DPYD: variants seen among roughly 807,000 people sequenced by gnomAD.
DPYD encodes dihydropyrimidine dehydrogenase [NADP(+)].
Under a neutral mutation model 116.2 loss-of-function variants are expected in DPYD, and 109 were observed. That is an observed-to-expected ratio of 0.94 (90% CI 0.80 to 1.10). DPYD has a LOEUF of 1.10. Ranked by LOEUF, DPYD falls within the 50% of genes least tolerant of loss-of-function variation. The pLI, the probability that DPYD is intolerant of heterozygous loss-of-function variation, is 0.00. For missense variants in DPYD, 1,302 were observed against 1,254.5 expected (o/e 1.04, Z -0.57); for synonymous variants, 440 against 432.0 (o/e 1.02, Z -0.23).
At chr1:97,197,079 T>G (rs1016544593) in intron 19 of DPYD, among the ~76,000 whole-genome samples, 11 of 152,150 alleles carry the variant, frequency 7.2e-5, no homozygotes, top group Admixed American at 2.6e-4. Context: ...GTTAGTACAA[T>G]GTAGAAAAGA....
In DPYD at chr1:97,353,163, C is replaced by T. The variant is rs893838586; in HGVS notation, c.2058+20398G>A. Reference sequence around the variant, plus strand: ...CAAATAATGGATTTTCTAACACCCCCGCTGTTCCTCCAGTGCATTGTGTCA... The same window carrying T: ...CAAATAATGGATTTTCTAACACCCCTGCTGTTCCTCCAGTGCATTGTGTCA... On this transcript the variant is annotated intron_variant, in intron 16 of 22. Transcript: ENST00000370192. Among the ~76,000 whole-genome samples, 10 of 152,174 alleles carry T rather than the reference C, an allele frequency of 6.6e-5. No individual in the cohort carries two copies. The South Asian group carries it at 8.3e-4, about 13-fold the overall frequency.
At chr1:97,267,004 C>A (rs1279367603) in intron 18 of DPYD, among the ~76,000 whole-genome samples, 1 of 152,130 alleles carries the variant, frequency 6.6e-6, no homozygotes, top group East Asian at 1.9e-4. Flanking sequence ...GTGCATGTGT[C>A]TTTATAGTAA....
At chr1:97,604,468 C>A (rs1655458009) in intron 8 of DPYD, among the ~76,000 whole-genome samples, 1 of 151,956 alleles carries the variant, frequency 6.6e-6, no homozygotes, top group African/African-American at 2.4e-5. Flanking sequence ...AGTGTTATTT[C>A]ATTTTAATTC....
intron 18 of DPYD, among the ~76,000 whole-genome samples, chr1:97,239,929 C>T (rs1662214053): frequency 6.6e-6 from 1 of 152,016 alleles, no homozygotes; most frequent in African/African-American, 2.4e-5. Flanking sequence ...GAAGTGTTTG[C>T]TGTTATAATT....
At chr1:97,198,841 C>T (rs1368503780) in intron 19 of DPYD, among the ~76,000 whole-genome samples, 2 of 152,114 alleles carry the variant, frequency 1.3e-5, no homozygotes, top group Admixed American at 6.6e-5. Flanking sequence ...CTATAGTGAG[C>T]TATTTTAAAG....
chr1:97,801,605 C>T (rs1415281589), intron 3 of DPYD, among the ~76,000 whole-genome samples: 2 of 151,544 alleles, frequency 1.3e-5, no homozygotes. Flanking sequence ...ATATGGTAGC[C>T]AAAAAAGGCG....
At chr1:97,518,931 ATATC>A (rs1648439015) in intron 12 of DPYD, among the ~76,000 whole-genome samples, 1 of 152,142 alleles carries the variant, frequency 6.6e-6, no homozygotes, top group Non-Finnish European at 1.5e-5. Flanking sequence ...AAAAACACAT[ATATC>A]TATTTTGCTG....
chr1:97,341,128 C>A (rs1294910522), intron 16 of DPYD, among the ~76,000 whole-genome samples: 1 of 152,110 alleles, frequency 6.6e-6, no homozygotes, highest in East Asian at 1.9e-4. Context: ...AGGAGTACTG[C>A]CATTCCTATG....
intron 13 of DPYD, among the ~76,000 whole-genome samples, chr1:97,501,338 C>T (rs184256193): frequency 6.6e-6 from 1 of 151,918 alleles, no homozygotes; most frequent in Non-Finnish European, 1.5e-5. Context: ...GAATTATACC[C>T]CCGATTGGCT....
chr1:97,808,425 T>C (rs946360850), intron 3 of DPYD, among the ~76,000 whole-genome samples: 1 of 152,172 alleles, frequency 6.6e-6, no homozygotes, highest in Non-Finnish European at 1.5e-5. Context: ...TGCTGACATA[T>C]ATGAAAACAA....
chr1:97,430,847 A>G lies in DPYD; in HGVS notation c.1905+19212T>C, dbSNP rs192558630. ...ACAATTTTACATCTATATACTTTTT[A>G]TATCTATCTATATCAATTTGTAAAC... On this transcript the variant is annotated intron_variant, in intron 14 of 22. Transcript: ENST00000370192. Among the ~76,000 whole-genome samples the G allele has an allele frequency of 2.6e-5, 4 of 152,216 alleles. No homozygotes were observed. In the East Asian group the frequency reaches 7.7e-4, roughly 29 times the overall value.
intron 3 of DPYD, among the ~76,000 whole-genome samples, chr1:97,783,290 A>G (rs906732132): frequency 3.3e-5 from 5 of 152,186 alleles, no homozygotes; most frequent in Non-Finnish European, 7.3e-5. Context: ...AGAAAATCAG[A>G]TGTGCTTTAT....
At chr1:97,578,306 T>C (rs1216336049) in intron 10 of DPYD, among the ~76,000 whole-genome samples, 1 of 152,154 alleles carries the variant, frequency 6.6e-6, no homozygotes, top group Non-Finnish European at 1.5e-5. Flanking sequence ...GAAAATGTTA[T>C]GACACCCATA....
chr1:97,450,236 T>A lies in DPYD; in HGVS notation c.1741-13A>T. The A allele has an allele frequency of 6.2e-7, 1 of 1,613,158 alleles. No individual in the cohort carries two copies. The stretch of plus-strand genomic sequence containing the variant: ...TTGTCACAATGTCCTGATGAAAGAG[T>A]AAAGATATTGAGTCTCCTTTTGACA... On this transcript the variant is annotated splice_polypyrimidine_tract_variant and intron_variant, in intron 13 of 22. Coordinates refer to ENST00000370192, the MANE Select transcript of DPYD (RefSeq NM_000110.4).
chr1:97,709,864 AATT>A lies in DPYD; in HGVS notation c.484-10320_484-10318del, dbSNP rs1662189363. ...ATAAACATAAATGTTTGATAGCTGT[AATT>A]ATTCCTCAATTACTCTGTTTGTTCT... is the stretch of plus-strand genomic sequence containing the variant. On this transcript the variant is annotated intron_variant, in intron 5 of 22. Coordinates refer to ENST00000370192, the MANE Select transcript of DPYD (RefSeq NM_000110.4). Among the ~76,000 whole-genome samples, 11 of 151,952 alleles carry A rather than the reference AATT, an allele frequency of 7.2e-5. No homozygotes were observed. In the South Asian group the frequency reaches 1.7e-3, roughly 23 times the overall value.
intron 8 of DPYD, among the ~76,000 whole-genome samples, chr1:97,673,254 T>C (rs1411887400): frequency 6.6e-6 from 1 of 152,144 alleles, no homozygotes; most frequent in Non-Finnish European, 1.5e-5. Context: ...GTTAAAAGGA[T>C]AGATCATGTT....
rs1207784786 is a variant in DPYD at position 97,892,771 on chromosome 1, G to A, written c.40-9397C>T. On this transcript the variant is annotated intron_variant, in intron 1 of 22. Transcript: ENST00000370192. ...GCCAATTTTCCCTTTATGCACAGTG[G>A]GTAACTCACTGCAGTTGATTAAAAA... Among the ~76,000 whole-genome samples the A allele has an allele frequency of 6.6e-5, 10 of 151,596 alleles. No individual in the cohort carries two copies. In the Admixed American group the frequency reaches 6.6e-4, roughly 10 times the overall value.
At chr1:97,590,011 AACCT>A (rs1654393777) in intron 10 of DPYD, among the ~76,000 whole-genome samples, 1 of 152,182 alleles carries the variant, frequency 6.6e-6, no homozygotes, top group African/African-American at 2.4e-5. Flanking sequence ...TGCTAGACCT[AACCT>A]TTCAAAACCT....
chr1:97,681,389 A>G (rs1183893810), intron 7 of DPYD, among the ~76,000 whole-genome samples: 1 of 152,130 alleles, frequency 6.6e-6, no homozygotes, highest in Non-Finnish European at 1.5e-5. Context: ...GTTGGAGAGG[A>G]GAATATGACT....
Sources: allele counts gnomAD v4.1 joint callset (sites outside exome capture counted in the v4.1 genomes callset), GRCh38; gene constraint gnomAD v4.1.1; transcripts MANE v1.5; gene names NCBI Gene and HGNC (gene_info 2026-07-23, HGNC 2026-07-21).